STK4: variants seen among roughly 807,000 people sequenced by gnomAD.
STK4 encodes serine/threonine kinase 4.
In STK4, 30 loss-of-function variants were observed where a neutral mutation model predicts 64.9. The ratio of observed to expected loss-of-function variants is 0.46; its 90% CI spans 0.35 to 0.63. The LOEUF is 0.63. STK4 is among the 20% of genes least tolerant of loss of function. The pLI is 0.01. For missense variants in STK4, 466 were observed against 598.5 expected (o/e 0.78, Z 2.31); for synonymous variants, 177 against 199.0 (o/e 0.89, Z 0.93).
chr20:44,975,679 C>T (rs952865096), intron 2 of STK4: 7 of 152,170 alleles, frequency 4.6e-5, no homozygotes, highest in African/African-American at 1.7e-4. Context: ...TGCCTGACCA[C>T]AACCAGAAAG....
intron 4 of STK4, among the ~76,000 whole-genome samples, chr20:44,985,703 G>A (rs1244955420): frequency 6.6e-6 from 1 of 152,154 alleles, no homozygotes; most frequent in Admixed American, 6.5e-5. Flanking sequence ...TAATATCAAA[G>A]GTGTTAAATT....
At chr20:44,983,443 G>A (rs1463554787) in intron 4 of STK4, among the ~76,000 whole-genome samples, 1 of 151,860 alleles carries the variant, frequency 6.6e-6, no homozygotes, top group Non-Finnish European at 1.5e-5. Flanking sequence ...CTCTACAAAA[G>A]AAAAAAGAAA....
chr20:45,029,428 A>G (rs924922408), intron 10 of STK4, among the ~76,000 whole-genome samples: 1 of 152,196 alleles, frequency 6.6e-6, no homozygotes, highest in Non-Finnish European at 1.5e-5. Flanking sequence ...ATGTTAAGAT[A>G]ATTTACTTAA....
chr20:45,002,212 C>T (rs1311729503), intron 9 of STK4, among the ~76,000 whole-genome samples: 2 of 152,132 alleles, frequency 1.3e-5, no homozygotes, highest in African/African-American at 4.8e-5. Flanking sequence ...ATGATTATAA[C>T]CGCTGTGTAA....
At chr20:44,970,246 GAA>G (rs112638314) in intron 1 of STK4, among the ~76,000 whole-genome samples, 2 of 146,788 alleles carry the variant, frequency 1.4e-5, no homozygotes, top group African/African-American at 5.4e-5. Flanking sequence ...TAAAAAAAAA[GAA>G]AAAAAAAGTT....
intron 9 of STK4, among the ~76,000 whole-genome samples, chr20:45,022,800 A>G (rs2068271183): frequency 6.6e-6 from 1 of 152,184 alleles, no homozygotes. Context: ...GTTTTAAATT[A>G]CCTGTTATTT....
chr20:45,063,231 C>G (rs1431232590), intron 10 of STK4, among the ~76,000 whole-genome samples: 2 of 150,254 alleles, frequency 1.3e-5, no homozygotes, highest in Admixed American at 6.6e-5. Context: ...TGGTCTCAAA[C>G]TACTAGGCTC....
At chr20:45,005,713 A>G (rs1046654167) in intron 9 of STK4, among the ~76,000 whole-genome samples, 3 of 150,652 alleles carry the variant, frequency 2.0e-5, no homozygotes, top group African/African-American at 7.3e-5. Context: ...AATACAATTT[A>G]TGAACATAGT....
chr20:45,024,908 T>C, intron 9 of STK4, 65 bp from the exon 10 acceptor site: 1 of 1,419,966 alleles, frequency 7.0e-7, no homozygotes, highest in Non-Finnish European at 9.2e-7. Context: ...GAGATATGTC[T>C]ATTTATTAAA....
At chr20:45,033,282 A>G (rs1240381801) in intron 10 of STK4, among the ~76,000 whole-genome samples, 3 of 151,898 alleles carry the variant, frequency 2.0e-5, no homozygotes, top group Non-Finnish European at 4.4e-5. Context: ...TTTAATTAGA[A>G]CCTATTTGCC....
chr20:44,977,109 AC>A (rs2067352719), intron 2 of STK4, among the ~76,000 whole-genome samples: 1 of 152,242 alleles, frequency 6.6e-6, no homozygotes, highest in South Asian at 2.1e-4. Flanking sequence ...GAAGCACATC[AC>A]CACTGTAACA....
At chr20:45,011,732 T>TA (rs1568719787) in intron 9 of STK4, among the ~76,000 whole-genome samples, 1 of 98,688 alleles carries the variant, frequency 1.0e-5, no homozygotes, top group African/African-American at 3.9e-5. Flanking sequence ...TATATATATT[T>TA]TTTTTTTTTT....
intron 9 of STK4, among the ~76,000 whole-genome samples, chr20:45,009,972 AAGAG>A (rs1200454917): frequency 6.6e-6 from 1 of 152,160 alleles, no homozygotes; most frequent in Admixed American, 6.6e-5. Flanking sequence ...ATTGTCAGTA[AAGAG>A]AGATAGTTTG....
chr20:44,967,388 A>C (rs943327615), intron 1 of STK4: 6 of 233,308 alleles, frequency 2.6e-5, no homozygotes, highest in Non-Finnish European at 3.5e-5. Context: ...TGCCCTTTTC[A>C]GGCCTCAGTT....
intron 10 of STK4, among the ~76,000 whole-genome samples, chr20:45,039,243 A>G (rs1313018905): frequency 6.6e-6 from 1 of 152,078 alleles, no homozygotes; most frequent in Non-Finnish European, 1.5e-5. Context: ...AACATCACGC[A>G]TTGGGCATTT....
At chr20:45,032,547 G>A (rs180840346) in intron 10 of STK4, among the ~76,000 whole-genome samples, 2 of 152,276 alleles carry the variant, frequency 1.3e-5, no homozygotes, top group East Asian at 3.9e-4. Context: ...CCTTGTGTTA[G>A]TTTGCTTGGG....
chr20:45,066,779 G>T (rs1979613837), intron 10 of STK4, among the ~76,000 whole-genome samples: 1 of 152,204 alleles, frequency 6.6e-6, no homozygotes, highest in South Asian at 2.1e-4. Context: ...CTTTATAGGG[G>T]ACTGATGGAA....
intron 10 of STK4, among the ~76,000 whole-genome samples, chr20:45,031,271 A>C (rs1211281441): frequency 6.6e-6 from 1 of 152,146 alleles, no homozygotes. Flanking sequence ...GAGGGGAAGC[A>C]AGTCACAGGA....
chr20:45,053,912 T>G (rs1244351887), intron 10 of STK4, among the ~76,000 whole-genome samples: 2 of 151,650 alleles, frequency 1.3e-5, no homozygotes, highest in Admixed American at 1.3e-4. Flanking sequence ...GTTTTTTGTT[T>G]TTTTTTTCAG....
Sources: gnomAD v4.1 joint callset for allele counts (sites outside exome capture counted in the v4.1 genomes callset) on GRCh38, gnomAD v4.1.1 for gene constraint, MANE v1.5 for transcripts, NCBI Gene and HGNC (gene_info 2026-07-23, HGNC 2026-07-21) for gene names.